LHFPL3: variants seen among roughly 807,000 people sequenced by gnomAD.
The protein encoded by LHFPL3 is LHFPL tetraspan subfamily member 3.
Under a neutral mutation model 19.3 loss-of-function variants are expected in LHFPL3, and 5 were observed. That is an observed-to-expected ratio of 0.26 (90% CI 0.14 to 0.54). LHFPL3 has a LOEUF of 0.54. Among genes scored for constraint, LHFPL3 ranks in the 20% least tolerant of loss-of-function variants. The pLI is 0.94. For synonymous variants in LHFPL3, 133 were observed against 126.2 expected (o/e 1.05, Z -0.36); for missense variants, 249 against 307.4 (o/e 0.81, Z 1.42).
chr7:104,385,665 T>G (rs1790926185), intron 1 of LHFPL3, among the ~76,000 whole-genome samples: 1 of 148,316 alleles, frequency 6.7e-6, no homozygotes, highest in African/African-American at 2.5e-5. Context: ...CTCATGGCAA[T>G]TTATTCATTC....
intron 2 of LHFPL3, among the ~76,000 whole-genome samples, chr7:104,888,938 A>C (rs1354840685): frequency 6.6e-6 from 1 of 152,206 alleles, no homozygotes; most frequent in African/African-American, 2.4e-5. Context: ...AGTTAGAAAG[A>C]TGGAAGGAAA....
At chr7:104,835,876 T>C (rs766089263) in intron 2 of LHFPL3, among the ~76,000 whole-genome samples, 1 of 151,998 alleles carries the variant, frequency 6.6e-6, no homozygotes, top group Non-Finnish European at 1.5e-5. Flanking sequence ...ACCAAGGTTT[T>C]AAGCCCCGCA....
intron 1 of LHFPL3, among the ~76,000 whole-genome samples, chr7:104,581,167 C>T (rs1293311071): frequency 6.6e-6 from 1 of 151,950 alleles, no homozygotes; most frequent in Non-Finnish European, 1.5e-5. Flanking sequence ...ATTCCAGTTG[C>T]CCCACATCTT....
rs1199189824 is a variant in LHFPL3 at position 104,466,690 on chromosome 7, G to T, written c.445+137466G>T. ...GTTTTTGTTGGGCCAAGACTTTACA[G>T]ATAAGTAGAACTGAGTGTTTGACCT... On this transcript the variant is annotated intron_variant, in intron 1 of 2. Transcript: ENST00000424859. Among the ~76,000 whole-genome samples the T allele has an allele frequency of 2.6e-5, 4 of 152,198 alleles. No homozygotes were observed. The East Asian group carries it at 7.7e-4, about 29-fold the overall frequency.
chr7:104,392,033 T>G (rs1791082109), intron 1 of LHFPL3, among the ~76,000 whole-genome samples: 3 of 152,308 alleles, frequency 2.0e-5, no homozygotes. Flanking sequence ...GCACATTGAT[T>G]TTGTATCCTG....
chr7:104,670,853 T>C (rs1484884769), intron 1 of LHFPL3, among the ~76,000 whole-genome samples: 1 of 146,276 alleles, frequency 6.8e-6, no homozygotes, highest in Non-Finnish European at 1.5e-5. Flanking sequence ...GCCAGACCAA[T>C]GTGTTTTGTT....
intron 1 of LHFPL3, among the ~76,000 whole-genome samples, chr7:104,353,313 C>A (rs1021289604): frequency 1.3e-5 from 2 of 152,124 alleles, no homozygotes; most frequent in African/African-American, 4.8e-5. Flanking sequence ...TAGGGTACAC[C>A]ATGTTGCTGA....
At chr7:104,533,373 A>G (rs1335038832) in intron 1 of LHFPL3, among the ~76,000 whole-genome samples, 1 of 151,960 alleles carries the variant, frequency 6.6e-6, no homozygotes, top group East Asian at 1.9e-4. Context: ...CCCCACTTCC[A>G]TTCTTTGTCT....
At chr7:104,490,028 T>C (rs914676253) in intron 1 of LHFPL3, among the ~76,000 whole-genome samples, 8 of 152,202 alleles carry the variant, frequency 5.3e-5, no homozygotes, top group African/African-American at 1.9e-4. Flanking sequence ...CAGGATAGCA[T>C]AGGGCCTGGG....
chr7:104,417,773 C>T (rs992299242), intron 1 of LHFPL3, among the ~76,000 whole-genome samples: 3 of 150,820 alleles, frequency 2.0e-5, no homozygotes, highest in Non-Finnish European at 3.0e-5. Context: ...AAATACTTAA[C>T]GGTGCTTGAC....
intron 1 of LHFPL3, among the ~76,000 whole-genome samples, chr7:104,380,574 G>A (rs953278012): frequency 6.6e-6 from 1 of 152,020 alleles, no homozygotes; most frequent in Non-Finnish European, 1.5e-5. Context: ...ATATTTTTGA[G>A]TTTCAAGAGT....
At chr7:104,451,529 G>A (rs181582255) in intron 1 of LHFPL3, among the ~76,000 whole-genome samples, 4 of 152,162 alleles carry the variant, frequency 2.6e-5, no homozygotes, top group Admixed American at 1.3e-4. Flanking sequence ...ACGATCAAAC[G>A]ATACAGAACA....
At chr7:104,737,279 T>C (rs1793846026) in intron 2 of LHFPL3, among the ~76,000 whole-genome samples, 1 of 152,166 alleles carries the variant, frequency 6.6e-6, no homozygotes, top group South Asian at 2.1e-4. Context: ...TCTCCATGTA[T>C]TCAGCTATGT....
chr7:104,746,321 A>AT (rs762040890), intron 2 of LHFPL3, among the ~76,000 whole-genome samples: 9 of 152,086 alleles, frequency 5.9e-5, no homozygotes, highest in African/African-American at 1.9e-4. Context: ...CAAAAAAAAA[A>AT]GTATTCCAGG....
intron 1 of LHFPL3, among the ~76,000 whole-genome samples, chr7:104,358,185 A>T (rs1790320508): frequency 6.6e-6 from 1 of 152,342 alleles, no homozygotes; most frequent in South Asian, 2.1e-4. Flanking sequence ...CTGAGTGCGT[A>T]TGAGGTTTCC....
At chr7:104,617,935 A>G (rs900195314) in intron 1 of LHFPL3, among the ~76,000 whole-genome samples, 3 of 152,240 alleles carry the variant, frequency 2.0e-5, no homozygotes, top group African/African-American at 7.2e-5. Context: ...AGCTTAAACA[A>G]TAAAGAATCA....
At chr7:104,451,821 T>C (rs1376077569) in intron 1 of LHFPL3, among the ~76,000 whole-genome samples, 4 of 152,144 alleles carry the variant, frequency 2.6e-5, no homozygotes, top group Admixed American at 2.0e-4. Context: ...CTCGGCTCAC[T>C]GCAACCTCCG....
At chr7:104,444,457 T>C (rs1336564809) in intron 1 of LHFPL3, among the ~76,000 whole-genome samples, 1 of 152,240 alleles carries the variant, frequency 6.6e-6, no homozygotes, top group Admixed American at 6.5e-5. Context: ...TAATTCTCCA[T>C]ATGGATTATG....
At chr7:104,620,669 C>CCA (rs1791428068) in intron 1 of LHFPL3, among the ~76,000 whole-genome samples, 1 of 152,138 alleles carries the variant, frequency 6.6e-6, no homozygotes, top group African/African-American at 2.4e-5. Context: ...ACTTTTCCCC[C>CCA]CAGTGATTTC....
Sources: gnomAD v4.1 joint callset for allele counts (sites outside exome capture counted in the v4.1 genomes callset) on GRCh38, gnomAD v4.1.1 for gene constraint, MANE v1.5 for transcripts, NCBI Gene and HGNC (gene_info 2026-07-23, HGNC 2026-07-21) for gene names.